The following IL1RAPL2 variants were observed in gnomAD, a reference collection of about 807,000 sequenced individuals.
The protein encoded by IL1RAPL2 is X-linked interleukin-1 receptor accessory protein-like 2.
A neutral mutation model predicts 44.1 loss-of-function variants in IL1RAPL2; 3 were observed. The observed-to-expected ratio is 0.07, with a 90% CI of 0.03 to 0.18. IL1RAPL2 has a LOEUF of 0.18. Ranked by LOEUF, IL1RAPL2 falls within the 10% of genes least tolerant of loss-of-function variation. The pLI, the probability that IL1RAPL2 is intolerant of heterozygous loss-of-function variation, is 1.00. For missense variants in IL1RAPL2, 391 were observed against 496.4 expected (o/e 0.79, Z 2.02); for synonymous variants, 181 against 178.8 (o/e 1.01, Z -0.10).
intron 2 of IL1RAPL2, among the ~76,000 whole-genome samples, chrX:104,985,177 T>G (rs2030537283): frequency 9.1e-6 from 1 of 110,070 alleles, no homozygotes; most frequent in African/African-American, 3.3e-5. Context: ...AACCTCTGCC[T>G]CCCGGGTTCA....
At chrX:104,941,801 T>C (rs777918817) in intron 2 of IL1RAPL2, among the ~76,000 whole-genome samples, 2 of 111,961 alleles carry the variant, frequency 1.8e-5, no homozygotes, top group South Asian at 3.7e-4. Context: ...TGGTATTGCC[T>C]AGGTTTTCTT....
chrX:105,601,613 A>C (rs935482167), intron 6 of IL1RAPL2, among the ~76,000 whole-genome samples: 24 of 111,289 alleles, frequency 2.2e-4, no homozygotes. Flanking sequence ...CCAAGCTGTG[A>C]GGTAAGTATA....
At chrX:104,677,451 G>A (rs747589509) in intron 2 of IL1RAPL2, among the ~76,000 whole-genome samples, 1 of 110,946 alleles carries the variant, frequency 9.0e-6, no homozygotes, top group Non-Finnish European at 1.9e-5. Flanking sequence ...GCAGTCTGCC[G>A]GTTCTCAGAT....
chrX:104,633,858 G>A (rs373075567), intron 1 of IL1RAPL2, among the ~76,000 whole-genome samples: 1 of 110,925 alleles, frequency 9.0e-6, no homozygotes. Context: ...TTCTGCTCTG[G>A]TCTTAGTTAT....
chrX:105,278,755 TAGTA>T (rs2034505219), intron 5 of IL1RAPL2, among the ~76,000 whole-genome samples: 1 of 112,040 alleles, frequency 8.9e-6, no homozygotes, highest in East Asian at 2.8e-4. Flanking sequence ...TCACACACCA[TAGTA>T]AGTGATGGAG....
At chrX:105,029,930 T>C (rs183226345) in intron 2 of IL1RAPL2, among the ~76,000 whole-genome samples, 267 of 111,670 alleles carry the variant, frequency 2.4e-3, no homozygotes, top group African/African-American at 7.4e-3. Context: ...CCTGACTTTT[T>C]AATGATCGCC....
intron 2 of IL1RAPL2, among the ~76,000 whole-genome samples, chrX:104,954,230 C>G (rs758734051): frequency 1.8e-5 from 2 of 112,542 alleles, no homozygotes; most frequent in African/African-American, 6.4e-5. Context: ...AGGAAAACCA[C>G]AGTGATTTTT....
intron 6 of IL1RAPL2, among the ~76,000 whole-genome samples, chrX:105,712,570 G>C (rs762946217): frequency 3.6e-5 from 4 of 111,430 alleles, no homozygotes; most frequent in Non-Finnish European, 7.5e-5. Context: ...AGGAGATAGA[G>C]AGTGCACAGT....
At chrX:104,770,241 A>C (rs1320868674) in intron 2 of IL1RAPL2, among the ~76,000 whole-genome samples, 3 of 111,563 alleles carry the variant, frequency 2.7e-5, no homozygotes, top group African/African-American at 9.8e-5. Flanking sequence ...TGTTTTAGAA[A>C]GTTAATAATA....
intron 1 of IL1RAPL2, among the ~76,000 whole-genome samples, chrX:104,621,518 C>A (rs1429448253): frequency 9.2e-6 from 1 of 108,230 alleles, no homozygotes; most frequent in Non-Finnish European, 1.9e-5. Flanking sequence ...CTCTGCCATA[C>A]CCCCAAGCAG....
intron 1 of IL1RAPL2, among the ~76,000 whole-genome samples, chrX:104,588,269 G>A (rs1928602078): frequency 3.7e-5 from 4 of 108,962 alleles, no homozygotes; most frequent in Admixed American, 3.0e-4. Flanking sequence ...TCTACTTCTT[G>A]AGCCCTGTTC....
intron 6 of IL1RAPL2, among the ~76,000 whole-genome samples, chrX:105,621,940 T>C (rs1013247530): frequency 1.8e-5 from 2 of 110,380 alleles, no homozygotes; most frequent in Non-Finnish European, 3.8e-5. Context: ...CATCTAAATA[T>C]TACTTCTCAC....
rs183057432 is a variant in IL1RAPL2 at position 105,331,350 on chromosome X, G to T, written c.697+63809G>T. Among the ~76,000 whole-genome samples the T allele has an allele frequency of 2.1e-3, 239 of 111,513 alleles. 1 individual carries two copies. Among genetic ancestry groups the T allele is most frequent in the African/African-American group, 7.3e-3 (226 of 30,750 alleles). On this transcript the variant is annotated intron_variant, in intron 5 of 10. Transcript: ENST00000372582. Reference sequence around the variant, plus strand: ...AAAAATTTACCTATATTCCATGCTTGCTTATTAAAATACATTCCTAAACTA... The same window carrying T: ...AAAAATTTACCTATATTCCATGCTTTCTTATTAAAATACATTCCTAAACTA...
At chrX:104,818,343 C>CA (rs768639524) in intron 2 of IL1RAPL2, among the ~76,000 whole-genome samples, 2,042 of 26,684 alleles carry the variant, frequency 0.077, 105 homozygotes, top group African/African-American at 0.11. Context: ...GACTCCGTCT[C>CA]AAAAAAAAAA....
intron 2 of IL1RAPL2, among the ~76,000 whole-genome samples, chrX:104,730,477 G>T (rs1351746738): frequency 9.8e-6 from 1 of 102,153 alleles, no homozygotes; most frequent in Non-Finnish European, 2.0e-5. Context: ...GTGGTGTTTG[G>T]TTTTTTGTCC....
intron 2 of IL1RAPL2, among the ~76,000 whole-genome samples, chrX:105,143,597 A>G (rs1199051936): frequency 8.9e-6 from 1 of 112,354 alleles, no homozygotes; most frequent in East Asian, 2.8e-4. Context: ...ATTACTGGGT[A>G]TATACCCAAA....
chrX:104,582,614 TTC>T (rs1321065925), intron 1 of IL1RAPL2, among the ~76,000 whole-genome samples: 4 of 41,368 alleles, frequency 9.7e-5, no homozygotes, highest in African/African-American at 2.4e-4. Flanking sequence ...CTTTCTTTCT[TTC>T]TTTCTTTCTT....
At chrX:104,713,968 T>C (rs932011958) in intron 2 of IL1RAPL2, among the ~76,000 whole-genome samples, 1 of 111,250 alleles carries the variant, frequency 9.0e-6, no homozygotes, top group African/African-American at 3.3e-5. Flanking sequence ...TATAGGTGAA[T>C]AATAGGGATA....
At chrX:104,835,420 C>G (rs1025937566) in intron 2 of IL1RAPL2, among the ~76,000 whole-genome samples, 1 of 111,462 alleles carries the variant, frequency 9.0e-6, no homozygotes, top group Admixed American at 9.5e-5. Flanking sequence ...GTTTAAGTCT[C>G]TACAACTTGG....
Sources: allele counts gnomAD v4.1 joint callset (sites outside exome capture counted in the v4.1 genomes callset), GRCh38; gene constraint gnomAD v4.1.1; transcripts MANE v1.5; gene names NCBI Gene and HGNC (gene_info 2026-07-23, HGNC 2026-07-21).